CNTN1: variants seen among roughly 807,000 people sequenced by gnomAD.
CNTN1 encodes the protein contactin 1, also known as contactin-1.
In CNTN1, 38 loss-of-function variants were observed where a neutral mutation model predicts 126.4. The ratio of observed to expected loss-of-function variants is 0.30; its 90% confidence interval spans 0.23 to 0.39. The LOEUF (loss-of-function observed/expected upper bound fraction) is 0.39, where lower values mean the gene tolerates loss of function less well. CNTN1 is among the 10% of genes least tolerant of loss of function. CNTN1 has a pLI of 1.00. For missense variants in CNTN1, 1,009 were observed against 1,248.4 expected, an observed-to-expected ratio of 0.81 and a Z score of 2.89; for synonymous variants, 413 against 422.6, an observed-to-expected ratio of 0.98 and a Z score of 0.28.
intron 1 of CNTN1, among the ~76,000 whole-genome samples, chr12:40,764,194 T>C (rs74413803): frequency 0.012 from 1,783 of 152,302 alleles, 44 homozygotes; most frequent in African/African-American, 0.041. Context: ...AAGGATTTTC[T>C]GGAAGCTATG....
At chr12:41,016,008 C>T (rs752169170) in intron 18 of CNTN1, among the ~76,000 whole-genome samples, 9 of 152,160 alleles carry the variant, frequency 5.9e-5, no homozygotes, top group Non-Finnish European at 8.8e-5. Context: ...ACTTTTATTC[C>T]TCTTACCAGT....
intron 1 of CNTN1, among the ~76,000 whole-genome samples, chr12:40,890,283 C>G (rs1241854589): frequency 1.3e-5 from 2 of 152,184 alleles, no homozygotes; most frequent in African/African-American, 4.8e-5. Context: ...TAGCCTCCCC[C>G]ACTGTCAACA....
intron 21 of CNTN1, among the ~76,000 whole-genome samples, chr12:41,026,044 G>A (rs905360406): frequency 6.6e-6 from 1 of 152,180 alleles, no homozygotes; most frequent in Non-Finnish European, 1.5e-5. Flanking sequence ...AGAATGTAGT[G>A]ACAAGAACTA....
chr12:40,981,372 G>A (rs74642305), intron 16 of CNTN1, among the ~76,000 whole-genome samples: 342 of 152,070 alleles, frequency 2.2e-3, no homozygotes, highest in African/African-American at 7.9e-3. Flanking sequence ...CAAAATCATC[G>A]GGAAGTCTAT....
intron 1 of CNTN1, among the ~76,000 whole-genome samples, chr12:40,818,496 G>A (rs1257085916): frequency 1.3e-5 from 2 of 152,072 alleles, no homozygotes; most frequent in Admixed American, 1.3e-4. Flanking sequence ...CGAAGTACTC[G>A]TGCTGTGTTT....
intron 13 of CNTN1, 112 bp downstream of exon 13, chr12:40,943,836 G>A (rs1310559546): frequency 2.1e-6 from 3 of 1,432,624 alleles, no homozygotes; most frequent in Non-Finnish European, 2.9e-6. Context: ...AAGAATTTCA[G>A]GCAAGTTTCT....
At chr12:41,021,044 C>CTTTA (rs1948895783) in intron 20 of CNTN1, among the ~76,000 whole-genome samples, 1 of 152,100 alleles carries the variant, frequency 6.6e-6, no homozygotes, top group Non-Finnish European at 1.5e-5. Flanking sequence ...TAGTTAGGGT[C>CTTTA]TTTAATACAA....
At chr12:40,820,934 G>A (rs2136526877) in intron 1 of CNTN1, among the ~76,000 whole-genome samples, 1 of 152,264 alleles carries the variant, frequency 6.6e-6, no homozygotes, top group South Asian at 2.1e-4. Context: ...CAATCCCAAG[G>A]ATGTTTTTCT....
intron 1 of CNTN1, among the ~76,000 whole-genome samples, chr12:40,849,923 A>AAT (rs1014184850): frequency 1.3e-5 from 2 of 152,074 alleles, no homozygotes; most frequent in African/African-American, 4.8e-5. Flanking sequence ...CATCTCACCA[A>AAT]ATATATATAT....
intron 16 of CNTN1, among the ~76,000 whole-genome samples, chr12:40,983,676 A>G (rs2120407375): frequency 6.7e-6 from 1 of 150,120 alleles, no homozygotes; most frequent in South Asian, 2.1e-4. Context: ...TGAATATGAA[A>G]GTGTTTCTCC....
intron 1 of CNTN1, among the ~76,000 whole-genome samples, chr12:40,746,375 A>G (rs1938183918): frequency 6.6e-6 from 1 of 152,112 alleles, no homozygotes; most frequent in East Asian, 1.9e-4. Flanking sequence ...ATTGGCAGCA[A>G]ATCTATAAGG....
chr12:40,976,535 T>TAAA (rs1566076495), intron 15 of CNTN1, among the ~76,000 whole-genome samples: 2 of 134,466 alleles, frequency 1.5e-5, no homozygotes, highest in Non-Finnish European at 1.6e-5. Flanking sequence ...TAATGGAAAC[T>TAAA]AAAAAAAGAA....
intron 1 of CNTN1, among the ~76,000 whole-genome samples, chr12:40,779,541 CAGTGGCCAG>C (rs1939711981): frequency 6.6e-6 from 1 of 151,836 alleles, no homozygotes; most frequent in African/African-American, 2.4e-5. Flanking sequence ...TCCTAAACAT[CAGTGGCCAG>C]GGATTGAACC....
chr12:40,740,144 C>T (rs919289395), intron 1 of CNTN1, among the ~76,000 whole-genome samples: 2 of 151,862 alleles, frequency 1.3e-5, no homozygotes, highest in Non-Finnish European at 1.5e-5. Context: ...GATAACTCAA[C>T]CTTGTAATGA....
intron 1 of CNTN1, among the ~76,000 whole-genome samples, chr12:40,702,376 G>A (rs913249954): frequency 6.6e-6 from 1 of 152,020 alleles, no homozygotes; most frequent in Admixed American, 6.6e-5. Flanking sequence ...TGAATACTTG[G>A]GTTGTTTCCA....
chr12:40,838,098 G>T (rs1351231564), intron 1 of CNTN1, among the ~76,000 whole-genome samples: 1 of 152,168 alleles, frequency 6.6e-6, no homozygotes, highest in African/African-American at 2.4e-5. Context: ...CTGAGCAAAA[G>T]GCCACCCAGC....
intron 23 of CNTN1, among the ~76,000 whole-genome samples, chr12:41,053,317 A>G (rs1949726158): frequency 6.7e-6 from 1 of 149,822 alleles, no homozygotes; most frequent in Non-Finnish European, 1.5e-5. Flanking sequence ...ACTTCTAAAC[A>G]TATAAATACA....
At chr12:40,758,931 T>A (rs1938723773) in intron 1 of CNTN1, among the ~76,000 whole-genome samples, 1 of 151,892 alleles carries the variant, frequency 6.6e-6, no homozygotes, top group African/African-American at 2.4e-5. Flanking sequence ...TGAGATGGAG[T>A]TTCACTCTTG....
chr12:40,958,550 T>C (rs1359981733), intron 14 of CNTN1, among the ~76,000 whole-genome samples: 1 of 152,070 alleles, frequency 6.6e-6, no homozygotes, highest in Admixed American at 6.6e-5. Context: ...GGCAATAGAA[T>C]AGAGCATTGA....
Sources: gnomAD v4.1 joint callset for allele counts (sites outside exome capture counted in the v4.1 genomes callset) on GRCh38, gnomAD v4.1.1 for gene constraint, MANE v1.5 for transcripts, NCBI Gene and HGNC (gene_info 2026-07-23, HGNC 2026-07-21) for gene names.